The following PDS5B variants were observed in gnomAD, a reference collection of about 807,000 sequenced individuals.
The protein encoded by PDS5B is PDS5 cohesin associated factor B.
Under a neutral mutation model 184.1 loss-of-function variants are expected in PDS5B, and 51 were observed. The observed-to-expected ratio is 0.28, with a 90% confidence interval of 0.22 to 0.35. PDS5B has a LOEUF of 0.35. Among genes scored for constraint, PDS5B ranks in the 10% least tolerant of loss-of-function variants. The pLI is 1.00. For missense variants in PDS5B, 1,180 were observed against 1,723.3 expected, an observed-to-expected ratio of 0.68 and a Z score of 5.58; for synonymous variants, 566 against 569.2, an observed-to-expected ratio of 0.99 and a Z score of 0.08.
intron 2 of PDS5B, chr13:32,649,748 A>G (rs1367081470): frequency 6.6e-6 from 1 of 152,152 alleles, no homozygotes; most frequent in African/African-American, 2.4e-5. Context: ...TTGTACATGT[A>G]TGTGTTTATA....
intron 34 of PDS5B, among the ~76,000 whole-genome samples, chr13:32,774,776 A>G (rs1323702817): frequency 6.6e-6 from 1 of 152,188 alleles, no homozygotes; most frequent in Non-Finnish European, 1.5e-5. Context: ...ATTAGATAGA[A>G]AAGTAAAATA....
At chr13:32,752,126 G>A (rs1365783991) in intron 24 of PDS5B, among the ~76,000 whole-genome samples, 1 of 151,412 alleles carries the variant, frequency 6.6e-6, no homozygotes, top group Non-Finnish European at 1.5e-5. Flanking sequence ...TTTTCCCTGT[G>A]CAGTAGTCTC....
At chr13:32,610,398 TG>T (rs1306424474) in intron 1 of PDS5B, among the ~76,000 whole-genome samples, 2 of 152,262 alleles carry the variant, frequency 1.3e-5, no homozygotes, top group Non-Finnish European at 2.9e-5. Context: ...GTGCTTAAGG[TG>T]TAATGTCTTG....
rs772872687 is a variant in PDS5B, at chr13:32,735,254, C to T, written c.2330C>T (p.Ala777Val). 3.7e-6 allele frequency: 6 copies of T among 1,611,774 alleles called. No individual in the cohort carries two copies. Among genetic ancestry groups the T allele is most frequent in the South Asian group, 1.1e-5 (1 of 90,958 alleles). ...ACTATTGGTCATATTGCTCTCCTTG[C>T]ACCTGATCAATTTGCTGCTCCTTTG... The part of the protein sequence containing the change: ...LVTIGHIALL[A>V]PDQFAAPLKS... Residue 777 changes from alanine to valine, a missense_variant, in exon 21 of 35, where the codon GCA becomes GTA. This residue lies in a region of PDS5B where 475 missense variants were observed against 691.5 expected (regional missense o/e 0.69). Coordinates refer to ENST00000315596, the MANE Select transcript of PDS5B (RefSeq NM_015032.4).
At chr13:32,698,385 G>C (rs1951768664) in intron 15 of PDS5B, among the ~76,000 whole-genome samples, 1 of 152,100 alleles carries the variant, frequency 6.6e-6, no homozygotes, top group African/African-American at 2.4e-5. Flanking sequence ...ACTACTAGTG[G>C]TCTTTGGAAC....
At chr13:32,739,613 C>G (rs1468270044) in intron 21 of PDS5B, among the ~76,000 whole-genome samples, 1 of 151,856 alleles carries the variant, frequency 6.6e-6, no homozygotes, top group Non-Finnish European at 1.5e-5. Flanking sequence ...GGTATTTATC[C>G]TTTTTCATCC....
chr13:32,697,395 CTG>C (rs754797315), intron 15 of PDS5B, among the ~76,000 whole-genome samples: 38 of 152,132 alleles, frequency 2.5e-4, no homozygotes, highest in Non-Finnish European at 4.6e-4. Context: ...TCAGAGGTCA[CTG>C]TGTATAGCAA....
In PDS5B at chr13:32,620,307, T is replaced by C. The variant is rs538907605; in HGVS notation, c.-19-28447T>C. Among the ~76,000 whole-genome samples the C allele has an allele frequency of 3.9e-5, 6 of 152,318 alleles. No homozygotes were observed. In the East Asian group the frequency reaches 1.2e-3, roughly 29 times the overall value. On this transcript the variant is annotated intron_variant, in intron 1 of 34. Transcript: ENST00000315596. ...GACTGTGGTTTCTTTCCAATCCTTATGTTGTTGATTTCTTTTTCTTTTCTT... is the reference window on the plus strand; with the variant it reads ...GACTGTGGTTTCTTTCCAATCCTTACGTTGTTGATTTCTTTTTCTTTTCTT...
chr13:32,706,936 C>G lies in PDS5B; in HGVS notation c.1859C>G (p.Ala620Gly). 1 of 1,590,806 alleles carries G rather than the reference C, an allele frequency of 6.3e-7. No homozygotes were observed. The highest frequency in any genetic ancestry group is 2.3e-5 in the East Asian group (1 of 44,408). ...TGACTTTTTTGGTCATATTTTAGTG[C>G]TCTTATTAAACAAGTGAACAAATCA... ...PVHIDTESIS[A>G]LIKQVNKSID... The change falls in exon 18 of 35, where the codon GCT becomes GGT. Residue 620 changes from alanine to glycine, a missense_variant and splice_region_variant. This residue lies in a region of PDS5B where 475 missense variants were observed against 691.5 expected (regional missense o/e 0.69). Transcript: ENST00000315596.
intron 18 of PDS5B, among the ~76,000 whole-genome samples, chr13:32,709,415 TC>T (rs1267148964): frequency 6.6e-6 from 1 of 152,054 alleles, no homozygotes; most frequent in Non-Finnish European, 1.5e-5. Flanking sequence ...ATTTATATAA[TC>T]TAATTTTTTA....
intron 25 of PDS5B, 75 bp from the exon 26 acceptor site, chr13:32,755,767 G>T: frequency 1.5e-6 from 1 of 673,264 alleles, no homozygotes; most frequent in South Asian, 2.2e-5. Context: ...TTTCTAACCT[G>T]GATATTTTTG....
intron 15 of PDS5B, among the ~76,000 whole-genome samples, chr13:32,698,753 TTC>T (rs1349786763): frequency 6.6e-6 from 1 of 151,674 alleles, no homozygotes; most frequent in Non-Finnish European, 1.5e-5. Flanking sequence ...GTCCACAGAG[TTC>T]TCTCTTTTTT....
intron 13 of PDS5B, chr13:32,691,204 T>C (rs940389213): frequency 4.6e-5 from 7 of 152,066 alleles, no homozygotes; most frequent in Non-Finnish European, 1.0e-4. Flanking sequence ...TGTATATATG[T>C]GTATCCCTCA....
chr13:32,625,609 A>G (rs1162338017), intron 1 of PDS5B, among the ~76,000 whole-genome samples: 2 of 151,966 alleles, frequency 1.3e-5, no homozygotes, highest in Non-Finnish European at 2.9e-5. Flanking sequence ...AATTAATTTC[A>G]GGTATTTTGA....
At chr13:32,737,161 T>C (rs760318516) in intron 21 of PDS5B, among the ~76,000 whole-genome samples, 1 of 149,886 alleles carries the variant, frequency 6.7e-6, no homozygotes, top group Non-Finnish European at 1.5e-5. Flanking sequence ...TGAAAAGTTG[T>C]TGAGATAATG....
intron 9 of PDS5B, among the ~76,000 whole-genome samples, chr13:32,676,541 G>A (rs1951067465): frequency 6.6e-6 from 1 of 152,054 alleles, no homozygotes; most frequent in Non-Finnish European, 1.5e-5. Flanking sequence ...TTAAAAGCCC[G>A]ACAAGTGCCT....
intron 15 of PDS5B, among the ~76,000 whole-genome samples, chr13:32,699,231 C>T (rs1050203917): frequency 6.6e-6 from 1 of 152,046 alleles, no homozygotes; most frequent in Admixed American, 6.5e-5. Context: ...AATGACTTAC[C>T]CAGCAGTAAC....
At position 32,589,400 on chromosome 13, in the gene PDS5B, C is replaced by T. The variant is rs138776641; in HGVS notation, c.-20+2807C>T. Among the ~76,000 whole-genome samples the T allele has an allele frequency of 9.5e-3, 1,449 of 152,158 alleles. 23 individuals are homozygous for T. The highest frequency in any genetic ancestry group is 0.075 in the South Asian group (360 of 4,814). Reference sequence around the variant, plus strand: ...CCAAGAATAAAGTTTTGTGGTTAGCCGTCTGTTTCAGCGTCTGGTTTTTAA... The same window carrying T: ...CCAAGAATAAAGTTTTGTGGTTAGCTGTCTGTTTCAGCGTCTGGTTTTTAA... On this transcript the variant is annotated intron_variant, in intron 1 of 34. Coordinates refer to ENST00000315596, the MANE Select transcript of PDS5B (RefSeq NM_015032.4).
At chr13:32,652,029 T>TC in intron 3 of PDS5B, 22 bp downstream of exon 3, 1 of 1,468,358 alleles carries the variant, frequency 6.8e-7, no homozygotes, top group African/African-American at 1.4e-5. Context: ...TTTAAATAAC[T>TC]CCAAGATTGA....
Sources: gnomAD v4.1 joint callset for allele counts (sites outside exome capture counted in the v4.1 genomes callset) on GRCh38, gnomAD v4.1.1 for gene constraint, gnomAD v4.1.1 regional missense constraint, MANE v1.5 for transcripts, NCBI Gene and HGNC (gene_info 2026-07-23, HGNC 2026-07-21) for gene names.